The following NPAS3 variants were observed in gnomAD, a reference collection of about 807,000 sequenced individuals.
The protein encoded by NPAS3 is neuronal PAS domain-containing protein 3.
A neutral mutation model predicts 73.1 loss-of-function variants in NPAS3; 14 were observed. That is an observed-to-expected ratio of 0.19 (90% CI 0.13 to 0.30). The LOEUF (loss-of-function observed/expected upper bound fraction) is 0.30, where lower values mean the gene tolerates loss of function less well. NPAS3 is among the 10% of genes least tolerant of loss of function. The pLI is 1.00. For synonymous variants in NPAS3, 620 were observed against 541.5 expected (o/e 1.14, Z -2.01); for missense variants, 1,096 against 1,250.0 (o/e 0.88, Z 1.86).
At chr14:33,178,618 A>C (rs2045684196) in intron 2 of NPAS3, among the ~76,000 whole-genome samples, 1 of 152,136 alleles carries the variant, frequency 6.6e-6, no homozygotes, top group African/African-American at 2.4e-5. Flanking sequence ...CCTTTTTTGC[A>C]GTGTTCATTC....
At chr14:33,179,061 A>G (rs1044522624) in intron 2 of NPAS3, among the ~76,000 whole-genome samples, 1 of 152,140 alleles carries the variant, frequency 6.6e-6, no homozygotes, top group East Asian at 1.9e-4. Flanking sequence ...AAAAAAAATC[A>G]GTTAACTTGA....
intron 1 of NPAS3, among the ~76,000 whole-genome samples, chr14:33,020,685 C>G (rs545681155): frequency 6.6e-6 from 1 of 151,884 alleles, no homozygotes; most frequent in East Asian, 1.9e-4. Flanking sequence ...TTCTGCCACA[C>G]CAATCTTTAA....
intron 7 of NPAS3, among the ~76,000 whole-genome samples, chr14:33,747,654 T>A (rs1194611762): frequency 6.6e-6 from 1 of 152,380 alleles, no homozygotes. Flanking sequence ...TTATTTGAAC[T>A]ACCAGTGAGC....
intron 6 of NPAS3, among the ~76,000 whole-genome samples, chr14:33,685,111 T>G (rs1001218611): frequency 1.3e-5 from 2 of 151,902 alleles, no homozygotes; most frequent in African/African-American, 4.8e-5. Context: ...CAACCATTGA[T>G]TGAATGTCCA....
rs190340116 is a variant in NPAS3, at chr14:33,456,098, G to A, written c.468+88830G>A. ...ATATCTCATTCAGAGAGCTTTGGAT[G>A]GGAGGAATTTTTGGAAGGGTTTAGG... is the stretch of plus-strand genomic sequence containing the variant. On this transcript the variant is annotated intron_variant, in intron 4 of 11. Coordinates refer to ENST00000356141, the Ensembl canonical transcript of NPAS3. 2.3e-4 allele frequency among the ~76,000 whole-genome samples: 35 copies of A among 152,282 alleles called. 1 individual carries two copies. In the East Asian group the frequency reaches 5.2e-3, roughly 23 times the overall value.
At chr14:33,063,222 C>G (rs1430760947) in intron 2 of NPAS3, among the ~76,000 whole-genome samples, 1 of 152,136 alleles carries the variant, frequency 6.6e-6, no homozygotes, top group Non-Finnish European at 1.5e-5. Flanking sequence ...CATTACTGAT[C>G]TTTTACCAGA....
At chr14:33,713,700 C>T (rs1203106949) in intron 6 of NPAS3, among the ~76,000 whole-genome samples, 3 of 152,234 alleles carry the variant, frequency 2.0e-5, no homozygotes, top group Non-Finnish European at 4.4e-5. Context: ...TGTGCTCCCA[C>T]CCTCTGTCCT....
chr14:33,613,238 A>T (rs955285869), intron 5 of NPAS3, among the ~76,000 whole-genome samples: 3 of 152,124 alleles, frequency 2.0e-5, no homozygotes, highest in African/African-American at 7.2e-5. Context: ...TCAGAAGAGG[A>T]GTTACCCTGA....
Position 33,417,172 on chromosome 14 carries a change from A to G in NPAS3, c.468+49904A>G, listed in dbSNP as rs187488981. 8.5e-5 allele frequency among the ~76,000 whole-genome samples: 13 copies of G among 152,172 alleles called. No individual in the cohort carries two copies. The East Asian group carries it at 2.1e-3, about 25-fold the overall frequency. ...ATATGAATCTTTTATCTCATCTGCA[A>G]CTATGGAACATTGCCTCTGATAGCT... On this transcript the variant is annotated intron_variant, in intron 4 of 11. Transcript: ENST00000356141.
chr14:33,107,679 T>A (rs2138936353), intron 2 of NPAS3, among the ~76,000 whole-genome samples: 1 of 152,268 alleles, frequency 6.6e-6, no homozygotes, highest in African/African-American at 2.4e-5. Flanking sequence ...AGGGTTGATT[T>A]TATGTCTTTA....
At chr14:33,066,316 T>C (rs2041278002) in intron 2 of NPAS3, among the ~76,000 whole-genome samples, 1 of 152,234 alleles carries the variant, frequency 6.6e-6, no homozygotes, top group African/African-American at 2.4e-5. Flanking sequence ...AGGGCATTCC[T>C]GAACTCTTGT....
chr14:33,627,606 T>C (rs2058258063), intron 5 of NPAS3, among the ~76,000 whole-genome samples: 1 of 152,180 alleles, frequency 6.6e-6, no homozygotes, highest in African/African-American at 2.4e-5. Flanking sequence ...CAGCTGATTC[T>C]CTCCATCCTG....
At chr14:33,688,199 A>C (rs1285161552) in intron 6 of NPAS3, among the ~76,000 whole-genome samples, 2 of 152,218 alleles carry the variant, frequency 1.3e-5, no homozygotes. Flanking sequence ...ATAGTACCCA[A>C]TAGGTCGTTT....
At chr14:33,140,367 AG>A (rs1251453864) in intron 2 of NPAS3, among the ~76,000 whole-genome samples, 1 of 151,958 alleles carries the variant, frequency 6.6e-6, no homozygotes, top group Admixed American at 6.6e-5. Flanking sequence ...AAAAGAACAC[AG>A]AAAAAAACAG....
intron 7 of NPAS3, among the ~76,000 whole-genome samples, chr14:33,772,115 T>C (rs2062673604): frequency 6.6e-6 from 1 of 152,194 alleles, no homozygotes; most frequent in African/African-American, 2.4e-5. Flanking sequence ...AAACACCAAA[T>C]TAATACTTGG....
intron 3 of NPAS3, among the ~76,000 whole-genome samples, chr14:33,363,378 T>A (rs976249268): frequency 6.6e-6 from 1 of 152,214 alleles, no homozygotes; most frequent in African/African-American, 2.4e-5. Context: ...TTCAGATACA[T>A]GTTTTAGACT....
chr14:33,644,823 C>G (rs544279862), intron 5 of NPAS3, among the ~76,000 whole-genome samples: 2 of 152,248 alleles, frequency 1.3e-5, no homozygotes, highest in African/African-American at 4.8e-5. Context: ...TGGCTCATGC[C>G]TGTAATCCCA....
intron 1 of NPAS3, among the ~76,000 whole-genome samples, chr14:32,939,961 C>T (rs899455351): frequency 5.3e-5 from 8 of 152,200 alleles, no homozygotes; most frequent in Non-Finnish European, 1.0e-4. Context: ...GGAGCGCGGC[C>T]GCCGCCTCCC....
In NPAS3 at chr14:33,544,808, A is replaced by G. The variant is rs1162451608; in HGVS notation, c.469-15313A>G. ...GTGTATTATATATATATATATATAT[A>G]TATGTATATATAATATATATGTGTA... On this transcript the variant is annotated intron_variant, in intron 4 of 11. Coordinates refer to ENST00000356141, the Ensembl canonical transcript of NPAS3. Among the ~76,000 whole-genome samples, 3 of 89,516 alleles carry G rather than the reference A, an allele frequency of 3.4e-5. 1 individual carries two copies. The highest frequency in any genetic ancestry group is 2.0e-4 in the African/African-American group (3 of 14,886). 58.7% of individuals were successfully genotyped at this position (89,516 alleles called of 152,430 possible).
Sources: gnomAD v4.1 joint callset for allele counts (sites outside exome capture counted in the v4.1 genomes callset) on GRCh38, gnomAD v4.1.1 for gene constraint, MANE v1.5 for transcripts, NCBI Gene and HGNC (gene_info 2026-07-23, HGNC 2026-07-21) for gene names.